RUNX1T1: variants seen among roughly 807,000 people sequenced by gnomAD.
The protein encoded by RUNX1T1 is RUNX1 partner transcriptional co-repressor 1, also known as protein CBFA2T1.
A neutral mutation model predicts 62.8 loss-of-function variants in RUNX1T1; 4 were observed. That is an observed-to-expected ratio of 0.06 (90% CI 0.03 to 0.15). The LOEUF is 0.15. RUNX1T1 is among the 10% of genes least tolerant of loss of function. The probability of loss-of-function intolerance (pLI) is 1.00; values close to 1 mark genes in which losing one functional copy is unlikely to be tolerated. For missense variants in RUNX1T1, 508 were observed against 754.3 expected (o/e 0.67, Z 3.82); for synonymous variants, 291 against 286.0 (o/e 1.02, Z -0.18).
intron 1 of RUNX1T1, among the ~76,000 whole-genome samples, chr8:92,038,484 C>T (rs1827833233): frequency 6.6e-6 from 1 of 151,880 alleles, no homozygotes; most frequent in African/African-American, 2.4e-5. Context: ...ATGCTGTGGT[C>T]AAGGTTAGAT....
intron 1 of RUNX1T1, among the ~76,000 whole-genome samples, chr8:92,037,454 G>A (rs1485422535): frequency 1.3e-5 from 2 of 152,188 alleles, no homozygotes; most frequent in Non-Finnish European, 2.9e-5. Context: ...GAGGCAGGCA[G>A]ATCACTTGAG....
chr8:92,101,291 A>T (rs1011565375), upstream of RUNX1T1, among the ~76,000 whole-genome samples: 4 of 152,188 alleles, frequency 2.6e-5, no homozygotes, highest in Admixed American at 6.5e-5. Flanking sequence ...CCATTTATAT[A>T]CAGGCTCTGG....
At chr8:92,042,739 A>G (rs986802181) in intron 1 of RUNX1T1, among the ~76,000 whole-genome samples, 1 of 152,254 alleles carries the variant, frequency 6.6e-6, no homozygotes, top group Admixed American at 6.5e-5. Flanking sequence ...GCTGGAACAT[A>G]ATAAAGCACT....
intron 5 of RUNX1T1, chr8:92,003,497 T>C (rs1456986534): frequency 3.1e-5 from 13 of 416,944 alleles, no homozygotes; most frequent in African/African-American, 2.4e-4. Flanking sequence ...CAGGATCATC[T>C]CTACATTTAT....
At chr8:91,978,216 T>C (rs1236739872) in intron 8 of RUNX1T1, among the ~76,000 whole-genome samples, 2 of 152,204 alleles carry the variant, frequency 1.3e-5, no homozygotes, top group Non-Finnish European at 1.5e-5. Context: ...AAGTTAGTTC[T>C]AGCACCCAGT....
intron 1 of RUNX1T1, among the ~76,000 whole-genome samples, chr8:92,080,389 C>T (rs1313089448): frequency 3.3e-5 from 5 of 152,174 alleles, no homozygotes; most frequent in Non-Finnish European, 7.3e-5. Flanking sequence ...AGCCCATTCC[C>T]ACTGGTGCTG....
chr8:92,077,879 C>T (rs1224742595), intron 1 of RUNX1T1, among the ~76,000 whole-genome samples: 1 of 152,000 alleles, frequency 6.6e-6, no homozygotes, highest in Non-Finnish European at 1.5e-5. Flanking sequence ...GGTTTTGAGG[C>T]ACATAAAATT....
At chr8:92,014,741 G>C (rs1282813228) in exon 3 of RUNX1T1, 1 of 1,614,134 alleles carries the variant, frequency 6.2e-7, no homozygotes, top group South Asian at 1.1e-5. Flanking sequence ...AGGAAGAAGA[G>C]GAAGGCCCAT....
At chr8:92,013,218 A>G (rs1463945652) in intron 3 of RUNX1T1, among the ~76,000 whole-genome samples, 1 of 152,248 alleles carries the variant, frequency 6.6e-6, no homozygotes, top group Non-Finnish European at 1.5e-5. Flanking sequence ...AGGAAAAGAT[A>G]AGTGACTGAC....
intron 2 of RUNX1T1, among the ~76,000 whole-genome samples, chr8:92,015,874 T>C (rs1461953258): frequency 6.6e-6 from 1 of 152,184 alleles, no homozygotes; most frequent in Non-Finnish European, 1.5e-5. Context: ...CCAGGACATC[T>C]CACAGGAGAC....
In RUNX1T1 at chr8:91,991,899, GA is replaced by G. The variant is rs773610287; in HGVS notation, c.660-11del. 51 of 1,611,662 alleles carry G rather than the reference GA, an allele frequency of 3.2e-5. No homozygotes were observed. Among genetic ancestry groups the G allele is most frequent in the Non-Finnish European group, 4.2e-5 (49 of 1,179,124 alleles). On this transcript the variant is annotated splice_polypyrimidine_tract_variant and intron_variant, in intron 5 of 10. Coordinates refer to ENST00000396218, the Ensembl canonical transcript of RUNX1T1. The stretch of plus-strand genomic sequence containing the variant: ...GCCATTTTCTTTGGTTCTAAAGGGG[GA>G]AAAAACAAGAGTTTGTTTCATCATC...
chr8:92,048,568 G>A (rs1366391295), intron 1 of RUNX1T1, among the ~76,000 whole-genome samples: 1 of 151,978 alleles, frequency 6.6e-6, no homozygotes, highest in African/African-American at 2.4e-5. Context: ...AGTTTATTGT[G>A]GGAGGAAGAA....
At chr8:91,960,787 CTTT>C (rs1367741657) in intron 10 of RUNX1T1, among the ~76,000 whole-genome samples, 1 of 152,202 alleles carries the variant, frequency 6.6e-6, no homozygotes, top group East Asian at 1.9e-4. Flanking sequence ...AACATCCTTT[CTTT>C]TTAGGTTTGG....
chr8:92,067,234 C>T (rs762355083), upstream of RUNX1T1, among the ~76,000 whole-genome samples: 36 of 152,162 alleles, frequency 2.4e-4, no homozygotes, highest in Non-Finnish European at 4.9e-4. Flanking sequence ...ACATTACAGA[C>T]GCGGAAAAGC....
chr8:92,065,676 T>C (rs1832770244), upstream of RUNX1T1, among the ~76,000 whole-genome samples: 1 of 152,230 alleles, frequency 6.6e-6, no homozygotes, highest in African/African-American at 2.4e-5. Context: ...TTTCATGAAA[T>C]ACAAATTTTT....
intron 1 of RUNX1T1, among the ~76,000 whole-genome samples, chr8:92,060,553 A>ATGTGTGTGTGTGTGTGTGTGTGTG (rs1271953758): frequency 6.3e-5 from 4 of 63,972 alleles, no homozygotes; most frequent in Non-Finnish European, 1.3e-4. Context: ...ATATATATAT[A>ATGTGTGTGTGTGTGTGTGTGTGTG]TGTGTGTGTG....
At chr8:92,051,586 T>A (rs868794303) in intron 1 of RUNX1T1, among the ~76,000 whole-genome samples, 45 of 145,466 alleles carry the variant, frequency 3.1e-4, no homozygotes, top group Non-Finnish European at 5.0e-4. Context: ...ACTCTCTCTC[T>A]CACACACACA....
intron 1 of RUNX1T1, among the ~76,000 whole-genome samples, chr8:92,026,147 T>TATATGGGCA (rs1825103799): frequency 6.6e-6 from 1 of 152,254 alleles, no homozygotes; most frequent in Non-Finnish European, 1.5e-5. Context: ...GTTTATTTTC[T>TATATGGGCA]TATTTTTCTC....
chr8:91,988,243 C>T (rs150431846), intron 6 of RUNX1T1, among the ~76,000 whole-genome samples: 7 of 152,184 alleles, frequency 4.6e-5, no homozygotes, highest in Non-Finnish European at 7.4e-5. Flanking sequence ...TTTATGATAG[C>T]CCCTTCTCAG....
Sources: allele counts gnomAD v4.1 joint callset (sites outside exome capture counted in the v4.1 genomes callset), GRCh38; gene constraint gnomAD v4.1.1; transcripts MANE v1.5; gene names NCBI Gene and HGNC (gene_info 2026-07-23, HGNC 2026-07-21).